SLCO6A1: variants seen among roughly 807,000 people sequenced by gnomAD.
SLCO6A1 encodes the protein cancer/testis antigen 48.
In SLCO6A1, 65 loss-of-function variants were observed where a neutral mutation model predicts 72.7. The ratio of observed to expected loss-of-function variants is 0.89; its 90% CI spans 0.73 to 1.10. SLCO6A1 has a LOEUF of 1.10. SLCO6A1 is among the 50% of genes least tolerant of loss of function. SLCO6A1 has a pLI of 0.00. For missense variants in SLCO6A1, 874 were observed against 872.6 expected (o/e 1.00, Z -0.02); for synonymous variants, 314 against 298.2 (o/e 1.05, Z -0.55).
At position 102,383,095 on chromosome 5, in the gene SLCO6A1, A is replaced by ATATATATATATATATATATAT. The variant is rs1554064835; in HGVS notation, c.2017+5592_2017+5593insATATATATATATATATATATA. 9.9e-3 allele frequency among the ~76,000 whole-genome samples: 1,276 copies of ATATATATATATATATATATAT among 128,446 alleles called. 25 individuals are homozygous for ATATATATATATATATATATAT. Among genetic ancestry groups the ATATATATATATATATATATAT allele is most frequent in the Middle Eastern group, 0.018 (4 of 222 alleles). 84.3% of individuals were successfully genotyped at this position (128,446 alleles called of 152,430 possible). ...TATATAGTGTATGTATATGTGTGTG[A>ATATATATATATATATATATAT]ATATATATATATATAGTGTTTTATA... On this transcript the variant is annotated intron_variant, in intron 12 of 13. Transcript: ENST00000506729.
intron 6 of SLCO6A1, among the ~76,000 whole-genome samples, chr5:102,451,470 G>A (rs1401229086): frequency 6.6e-6 from 1 of 152,174 alleles, no homozygotes; most frequent in Non-Finnish European, 1.5e-5. Context: ...GCTAGCATAG[G>A]GGTGTTCAGG....
At chr5:102,430,608 G>A (rs1256348532) in intron 7 of SLCO6A1, among the ~76,000 whole-genome samples, 4 of 151,982 alleles carry the variant, frequency 2.6e-5, no homozygotes, top group East Asian at 1.9e-4. Context: ...GTTTATTGAC[G>A]TGTGTATGTT....
At chr5:102,459,318 G>A (rs1750901290) in intron 5 of SLCO6A1, among the ~76,000 whole-genome samples, 1 of 152,120 alleles carries the variant, frequency 6.6e-6, no homozygotes, top group Admixed American at 6.6e-5. Context: ...CTACTCTGGA[G>A]GTGAGGCAGG....
chr5:102,380,374 C>T (rs1746043961), intron 12 of SLCO6A1, among the ~76,000 whole-genome samples: 1 of 151,958 alleles, frequency 6.6e-6, no homozygotes, highest in South Asian at 2.1e-4. Flanking sequence ...CTAATTAAAA[C>T]TTAAGATTTG....
intron 4 of SLCO6A1, among the ~76,000 whole-genome samples, chr5:102,465,486 A>G (rs1341908746): frequency 6.6e-6 from 1 of 152,092 alleles, no homozygotes. Flanking sequence ...CATGCTTCCT[A>G]GTATCATTTC....
At chr5:102,494,218 A>AT (rs1416682782) in intron 1 of SLCO6A1, among the ~76,000 whole-genome samples, 1 of 152,126 alleles carries the variant, frequency 6.6e-6, no homozygotes, top group Non-Finnish European at 1.5e-5. Flanking sequence ...GGAATAAAGC[A>AT]TTTTTTCTAT....
intron 1 of SLCO6A1, among the ~76,000 whole-genome samples, chr5:102,492,409 C>A (rs1752723914): frequency 6.6e-6 from 1 of 152,160 alleles, no homozygotes; most frequent in Non-Finnish European, 1.5e-5. Flanking sequence ...AATGGGTGCA[C>A]TTCCAAGATG....
At position 102,442,593 on chromosome 5, in the gene SLCO6A1, AAC is replaced by A. The variant is rs548368933; in HGVS notation, c.1132-3834_1132-3833del. Among the ~76,000 whole-genome samples, 13 of 152,324 alleles carry A rather than the reference AAC, an allele frequency of 8.5e-5. No homozygotes were observed. The South Asian group carries it at 2.5e-3, about 29-fold the overall frequency. On this transcript the variant is annotated intron_variant, in intron 6 of 13. Coordinates refer to ENST00000506729, the MANE Select transcript of SLCO6A1 (RefSeq NM_173488.5). ...GCCTTGAATTATCTACATGGTATAA[AAC>A]ACAGATCGCAGCTCCTATTCCAGAT... is the stretch of plus-strand genomic sequence containing the variant.
At chr5:102,440,238 A>G (rs1749759211) in intron 6 of SLCO6A1, among the ~76,000 whole-genome samples, 1 of 152,172 alleles carries the variant, frequency 6.6e-6, no homozygotes, top group Non-Finnish European at 1.5e-5. Flanking sequence ...CAGCCTCTAT[A>G]GAAAGAGTAA....
At chr5:102,415,975 T>C (rs576368739) in intron 8 of SLCO6A1, among the ~76,000 whole-genome samples, 12 of 152,116 alleles carry the variant, frequency 7.9e-5, no homozygotes, top group Non-Finnish European at 1.8e-4. Flanking sequence ...TCATTGATCA[T>C]CAAACAAATG....
intron 12 of SLCO6A1, among the ~76,000 whole-genome samples, chr5:102,384,048 T>G (rs1363008128): frequency 1.3e-5 from 2 of 151,892 alleles, no homozygotes; most frequent in Non-Finnish European, 2.9e-5. Flanking sequence ...CATTTATAAT[T>G]TTATTTATTT....
intron 6 of SLCO6A1, among the ~76,000 whole-genome samples, chr5:102,456,515 G>A (rs1288949506): frequency 6.6e-6 from 1 of 152,084 alleles, no homozygotes. Flanking sequence ...GCTTCAGAGA[G>A]AATAAAATAC....
intron 4 of SLCO6A1, among the ~76,000 whole-genome samples, chr5:102,471,303 C>G (rs1159660419): frequency 1.3e-5 from 2 of 152,018 alleles, no homozygotes; most frequent in Non-Finnish European, 2.9e-5. Context: ...ACTACCCAAA[C>G]AAGCTGAACA....
chr5:102,377,645 A>C (rs1055967614), intron 12 of SLCO6A1, among the ~76,000 whole-genome samples: 1 of 151,796 alleles, frequency 6.6e-6, no homozygotes, highest in African/African-American at 2.4e-5. Flanking sequence ...ATATATATAT[A>C]TCTATAGATA....
intron 8 of SLCO6A1, among the ~76,000 whole-genome samples, chr5:102,413,372 A>C (rs1026725962): frequency 6.6e-6 from 1 of 151,696 alleles, no homozygotes; most frequent in Non-Finnish European, 1.5e-5. Flanking sequence ...ATGCCAACAA[A>C]CATAATAATC....
chr5:102,372,302 C>A (rs1161886128), intron 13 of SLCO6A1, among the ~76,000 whole-genome samples, 179 bp from the exon 14 acceptor site: 1 of 151,996 alleles, frequency 6.6e-6, no homozygotes, highest in Non-Finnish European at 1.5e-5. Flanking sequence ...ATGAATAGGG[C>A]AATGTCTACC....
chr5:102,444,495 T>G (rs1750005664), intron 6 of SLCO6A1, among the ~76,000 whole-genome samples: 1 of 152,228 alleles, frequency 6.6e-6, no homozygotes, highest in Admixed American at 6.5e-5. Flanking sequence ...CTGTTCTTGA[T>G]TCTTTATGCT....
Position 102,498,410 on chromosome 5 carries a change from G to A in SLCO6A1, c.358+77C>T, listed in dbSNP as rs201718937. The A allele has an allele frequency of 2.1e-4, 299 of 1,422,382 alleles. 1 individual carries two copies. In the South Asian group the frequency reaches 3.5e-3, roughly 16 times the overall value. The allele number at this position is 1,422,382 out of a possible 1,614,324, so 88.1% of individuals were successfully genotyped here. Reference sequence around the variant, plus strand: ...GCTGGGCCACCCCAGGGCGTCCTCCGCCATACTCCCTCTCCCGCCTCCGCC... The same window carrying A: ...GCTGGGCCACCCCAGGGCGTCCTCCACCATACTCCCTCTCCCGCCTCCGCC... On this transcript the variant is annotated intron_variant, in intron 1 of 13. Coordinates refer to ENST00000506729, the MANE Select transcript of SLCO6A1 (RefSeq NM_173488.5).
intron 2 of SLCO6A1, among the ~76,000 whole-genome samples, 197 bp downstream of exon 2, chr5:102,479,980 C>A (rs1752104166): frequency 6.6e-6 from 1 of 152,186 alleles, no homozygotes; most frequent in African/African-American, 2.4e-5. Flanking sequence ...TAAAATTAAT[C>A]ATTAACTTCC....
Sources: allele counts gnomAD v4.1 joint callset (sites outside exome capture counted in the v4.1 genomes callset), GRCh38; gene constraint gnomAD v4.1.1; transcripts MANE v1.5; gene names NCBI Gene and HGNC (gene_info 2026-07-23, HGNC 2026-07-21).